The following ITGA5 variants were observed in gnomAD, a reference collection of about 807,000 sequenced individuals.
The protein encoded by ITGA5 is integrin alpha-5.
A neutral mutation model predicts 146.3 loss-of-function variants in ITGA5; 55 were observed. The ratio of observed to expected loss-of-function variants is 0.38; its 90% confidence interval spans 0.30 to 0.47. The LOEUF (loss-of-function observed/expected upper bound fraction) is 0.47, where lower values mean the gene tolerates loss of function less well. ITGA5 is among the 20% of genes least tolerant of loss of function. ITGA5 has a pLI of 0.99. For synonymous variants in ITGA5, 500 were observed against 531.8 expected (o/e 0.94, Z 0.82); for missense variants, 1,131 against 1,329.0 (o/e 0.85, Z 2.32).
rs1444046775 is a variant in ITGA5, at chr12:54,402,056, T to G, written c.2171A>C (p.Asn724Thr). 1 of 1,614,152 alleles carries G rather than the reference T, an allele frequency of 6.2e-7. No individual in the cohort carries two copies. The highest frequency in any genetic ancestry group is 1.3e-5 in the African/African-American group (1 of 75,028). Reference sequence around the variant, plus strand: ...GTCACACACCAGCAGGCGGCTCTGGTTCACGGCAAAGTAGTCACAGCTCAG... The same window carrying G: ...GTCACACACCAGCAGGCGGCTCTGGGTCACGGCAAAGTAGTCACAGCTCAG... Reference protein sequence around the residue: ...SSLSCDYFAVNQSRLLVCDLG... With the variant: ...SSLSCDYFAVTQSRLLVCDLG... Residue 724 changes from asparagine (N) to threonine (T), a missense_variant, in exon 21 of 30, where the codon AAC (asparagine) becomes ACC (threonine). This residue lies in a region of ITGA5 where 889 missense variants were observed against 1,021.5 expected (regional missense o/e 0.87). Coordinates refer to ENST00000293379, the MANE Select transcript of ITGA5 (RefSeq NM_002205.5).
At chr12:54,404,545 T>C in intron 13 of ITGA5, 70 bp from the exon 14 acceptor site, 3 of 1,574,266 alleles carry the variant, frequency 1.9e-6, no homozygotes, top group Non-Finnish European at 2.6e-6. Flanking sequence ...TAACCCCTCC[T>C]GGTTTCAACG....
At position 54,408,800 on chromosome 12, in the gene ITGA5, G is replaced by T. The variant is rs1483139559; in HGVS notation, c.647C>A (p.Thr216Asn). The T allele has an allele frequency of 6.2e-7, 1 of 1,613,458 alleles. No homozygotes were observed. Among genetic ancestry groups the T allele is most frequent in the East Asian group, 2.2e-5 (1 of 44,878 alleles). Residue 216 changes from threonine (T) to asparagine (N), a missense_variant and splice_region_variant, in exon 6 of 30, where the codon ACT (threonine) becomes AAT (asparagine). Transcript: ENST00000293379. ...TGGTCCACCTAAAACCACACGGCCA[G>T]TCTGTGGGTGAAAGGAGGGGAGTCC... Reference protein sequence around the residue: ...QGGFSAEFTKTGRVVLGGPGS... With the variant: ...QGGFSAEFTKNGRVVLGGPGS...
chr12:54,404,644 G>T, intron 13 of ITGA5, 59 bp downstream of exon 13: 2 of 1,524,880 alleles, frequency 1.3e-6, no homozygotes, highest in South Asian at 1.1e-5. Flanking sequence ...GCAGAAGAGA[G>T]AGTAGGGGTC....
rs769552719 is a variant in ITGA5, at chr12:54,405,422, CCCA to C, written c.1017-51_1017-49del. The C allele has an allele frequency of 5.6e-6, 8 of 1,437,798 alleles. No homozygotes were observed. The African/African-American group carries it at 1.1e-4, about 20-fold the overall frequency. 89.1% of individuals were successfully genotyped at this position (1,437,798 alleles called of 1,614,324 possible). On this transcript the variant is annotated intron_variant, in intron 11 of 29. Coordinates refer to ENST00000293379, the MANE Select transcript of ITGA5 (RefSeq NM_002205.5). ...GCATCTCGATACCCTGTCTTGCCACCCCACCCCAATCCTAGTGCTAGAAATCCC... is the reference window on the plus strand; with the variant it reads ...GCATCTCGATACCCTGTCTTGCCACCCCCCAATCCTAGTGCTAGAAATCCC...
intron 6 of ITGA5, 127 bp downstream of exon 6, chr12:54,408,629 G>A (rs1955898546): frequency 2.3e-6 from 2 of 852,478 alleles, no homozygotes; most frequent in Non-Finnish European, 1.8e-6. Context: ...GGGAGGCTGA[G>A]GCAGGAGAAT....
Position 54,401,270 on chromosome 12 carries a change from C to T in ITGA5, c.2493+103G>A. On this transcript the variant is annotated intron_variant, in intron 24 of 29. Transcript: ENST00000293379. This position sits in a 1 kb window ranked among gnomAD's most constrained non-coding sequence, Gnocchi z 5.0. ...CTTTGCATATCACTTACTCCTCCCT[C>T]CTCTCTTTCTCTCAGTCCCTCACAT... The T allele has an allele frequency of 1.1e-6, 1 of 921,222 alleles. No homozygotes were observed. Among genetic ancestry groups the T allele is most frequent in the South Asian group, 1.4e-5 (1 of 72,790 alleles). 57.1% of individuals were successfully genotyped at this position (921,222 alleles called of 1,614,324 possible).
At position 54,396,117 on chromosome 12, in the gene ITGA5, G is replaced by A. The variant is rs1367378391; in HGVS notation, c.*176C>T. The A allele has an allele frequency of 4.2e-5, 25 of 592,274 alleles. No homozygotes were observed. The highest frequency in any genetic ancestry group is 7.6e-5 in the Non-Finnish European group (25 of 330,640). 36.7% of individuals were successfully genotyped at this position (592,274 alleles called of 1,614,324 possible). A position where few individuals can be genotyped will look rare whatever the true frequency, so the allele number is the denominator to read the frequency against. On this transcript the variant is annotated 3_prime_UTR_variant, in exon 30 of 30. Coordinates refer to ENST00000293379, the MANE Select transcript of ITGA5 (RefSeq NM_002205.5). ...GTCCTTCACAGTGCATGGGGGGGAGGGATCCCCAGCTCCTCACCCCCCTGG... is the reference window on the plus strand; with the variant it reads ...GTCCTTCACAGTGCATGGGGGGGAGAGATCCCCAGCTCCTCACCCCCCTGG...
At chr12:54,398,231 C>T (rs1276027910) in intron 28 of ITGA5, among the ~76,000 whole-genome samples, 2 of 152,142 alleles carry the variant, frequency 1.3e-5, no homozygotes, top group Non-Finnish European at 2.9e-5. Context: ...CCAGGATATC[C>T]CTTTCCTGAA....
Position 54,407,882 on chromosome 12 carries a change from G to A in ITGA5, c.818-6C>T, listed in dbSNP as rs1955886209. 6.4e-7 allele frequency: 1 copy of A among 1,573,974 alleles called. No individual in the cohort carries two copies. The highest frequency in any genetic ancestry group is 1.8e-5 in the Admixed American group (1 of 57,004). The stretch of plus-strand genomic sequence containing the variant: ...ACCAACAGCCACAGAGTATCCTGGG[G>A]GACAGGGTGGGTGGATGTTAGGATT... On this transcript the variant is annotated splice_region_variant and splice_polypyrimidine_tract_variant and intron_variant, in intron 7 of 29. Coordinates refer to ENST00000293379, the MANE Select transcript of ITGA5 (RefSeq NM_002205.5).
At chr12:54,399,809 A>G (rs1446953866) in intron 26 of ITGA5, 51 bp from the exon 27 acceptor site, 2 of 1,606,548 alleles carry the variant, frequency 1.2e-6, no homozygotes, top group East Asian at 4.5e-5. Flanking sequence ...GATGGCCCTG[A>G]GAACCCCAGA....
chr12:54,399,943 T>C lies in ITGA5; in HGVS notation c.2648A>G (p.Asp883Gly). 6.2e-7 allele frequency: 1 copy of C among 1,613,460 alleles called. No individual in the cohort carries two copies. The highest frequency in any genetic ancestry group is 8.5e-7 in the Non-Finnish European group (1 of 1,179,458). The change falls in exon 26 of 30, where the codon GAT becomes GGT. Residue 883 changes from aspartate to glycine, a missense_variant. Physicochemically the swap from Asp to Gly is moderately conservative, Grantham distance 94. This residue lies in a region of ITGA5 where 889 missense variants were observed against 1,021.5 expected (regional missense o/e 0.87). Coordinates refer to ENST00000293379, the MANE Select transcript of ITGA5 (RefSeq NM_002205.5). Reference sequence around the variant, plus strand: ...CTGGTGGTGCAGGGAACCCTCGGGATCCAACTATAAAAGAAAGTGTTGGGC... The same window carrying C: ...CTGGTGGTGCAGGGAACCCTCGGGACCCAACTATAAAAGAAAGTGTTGGGC... ...HPINPKGLEL[D>G]PEGSLHHQQK...
Position 54,408,880 on chromosome 12 carries a change from A to C in ITGA5, c.645+13T>G. 6.2e-7 allele frequency: 1 copy of C among 1,613,942 alleles called. No homozygotes were observed. The highest frequency in any genetic ancestry group is 8.5e-7 in the Non-Finnish European group (1 of 1,179,906). On this transcript the variant is annotated intron_variant, in intron 5 of 29. Transcript: ENST00000293379. ...CCACCCACGGCCCCTTCTCTCCCAG[A>C]CCACTCTCTCACCTTGGTGAACTCG...
chr12:54,402,971 A>T lies in ITGA5; in HGVS notation c.1982+12T>A. On this transcript the variant is annotated intron_variant, in intron 19 of 29. Coordinates refer to ENST00000293379, the MANE Select transcript of ITGA5 (RefSeq NM_002205.5). ...ACCTGGAGCTCCCTAGCTTACCGTC[A>T]GCCCTACTTACCCAAACACTTCCAG... 3.1e-6 allele frequency: 5 copies of T among 1,613,066 alleles called. No individual in the cohort carries two copies. Among genetic ancestry groups the T allele is most frequent in the Non-Finnish European group, 4.2e-6 (5 of 1,179,046 alleles).
intron 25 of ITGA5, 108 bp downstream of exon 25, chr12:54,400,738 A>C: frequency 9.0e-7 from 1 of 1,107,692 alleles, no homozygotes; most frequent in South Asian, 1.5e-5. Flanking sequence ...CCCTAGCTAT[A>C]GGCACATCCT....
intron 26 of ITGA5, 32 bp from the exon 27 acceptor site, chr12:54,399,790 T>A: frequency 6.2e-7 from 1 of 1,610,502 alleles, no homozygotes; most frequent in Non-Finnish European, 8.5e-7. Flanking sequence ...CCTGGTGTTC[T>A]GCCCTTGTGA....
chr12:54,404,110 C>T lies in ITGA5; in HGVS notation c.1565+35G>A, dbSNP rs752753182. The T allele has an allele frequency of 3.8e-6, 6 of 1,570,976 alleles. No homozygotes were observed. The South Asian group carries it at 7.0e-5, about 18-fold the overall frequency. ...CTTGGTGCCCCTGCCCACTCCCAGG[C>T]TCAGGTCTCTGCAATTTCCTGGGCA... On this transcript the variant is annotated intron_variant, in intron 15 of 29. Transcript: ENST00000293379.
Position 54,402,064 on chromosome 12 carries a change from A to G in ITGA5, c.2163T>C (p.Phe721=). ...CCAGCAGGCGGCTCTGGTTCACGGC[A>G]AAGTAGTCACAGCTCAGGCTGGAGA... ...GNFSSLSCDY[F]AVNQSRLLVC... The change falls in exon 21 of 30, where the codon TTT becomes TTC. Residue 721 remains phenylalanine, a synonymous_variant. Transcript: ENST00000293379. 1 of 1,614,126 alleles carries G rather than the reference A, an allele frequency of 6.2e-7. No individual in the cohort carries two copies. Among genetic ancestry groups the G allele is most frequent in the Non-Finnish European group, 8.5e-7 (1 of 1,180,020 alleles).
intron 29 of ITGA5, among the ~76,000 whole-genome samples, chr12:54,396,902 T>C (rs1328711940): frequency 6.6e-6 from 1 of 152,030 alleles, no homozygotes; most frequent in Non-Finnish European, 1.5e-5. Context: ...CCCAGGCTGG[T>C]CTTGAATTCC....
Position 54,408,888 on chromosome 12 carries a change from C to T in ITGA5, c.645+5G>A. On this transcript the variant is annotated splice_donor_5th_base_variant and intron_variant, in intron 5 of 29. Transcript: ENST00000293379. Reference sequence around the variant, plus strand: ...GGCCCCTTCTCTCCCAGACCACTCTCTCACCTTGGTGAACTCGGCACTGAA... The same window carrying T: ...GGCCCCTTCTCTCCCAGACCACTCTTTCACCTTGGTGAACTCGGCACTGAA... The T allele has an allele frequency of 1.9e-6, 3 of 1,614,120 alleles. No individual in the cohort carries two copies. The highest frequency in any genetic ancestry group is 2.5e-6 in the Non-Finnish European group (3 of 1,179,990).
Sources: gnomAD v4.1 joint callset for allele counts (sites outside exome capture counted in the v4.1 genomes callset) on GRCh38, gnomAD v4.1.1 for gene constraint, gnomAD v4.1.1 regional missense constraint, Gnocchi (gnomAD v3.1) non-coding constraint, MANE v1.5 for transcripts, NCBI Gene and HGNC (gene_info 2026-07-23, HGNC 2026-07-21) for gene names.